Variants in SH3TC1 observed in about 807,000 individuals in gnomAD.
SH3TC1 encodes SH3 domain and tetratricopeptide repeats 1, also known as SH3 domain and tetratricopeptide repeat-containing protein 1.
A neutral mutation model predicts 117.3 loss-of-function variants in SH3TC1; 135 were observed. The observed-to-expected ratio is 1.15, with a 90% confidence interval of 1.00 to 1.33. SH3TC1 has a LOEUF of 1.33. Ranked by LOEUF, SH3TC1 falls within the 40% of genes most tolerant of loss-of-function variation. The pLI is 0.00. For missense variants in SH3TC1, 2,092 were observed against 1,794.3 expected, an observed-to-expected ratio of 1.17 and a Z score of -3.00; for synonymous variants, 898 against 816.9, an observed-to-expected ratio of 1.10 and a Z score of -1.69.
Position 8,187,000 on chromosome 4 carries a change from A to C in SH3TC1, c.-57+4790A>C, listed in dbSNP as rs180936650. On this transcript the variant is annotated intron_variant, in intron 1 of 16. Coordinates refer to the SH3TC1 transcript ENST00000508641. This position sits in a 1 kb window ranked among gnomAD's most constrained non-coding sequence, Gnocchi z 5.2. ...TAGGCACATTGCTGTGCCTTTGCCCATTCTGGGACTCCTGCCCGACTTCCC... is the reference window on the plus strand; with the variant it reads ...TAGGCACATTGCTGTGCCTTTGCCCCTTCTGGGACTCCTGCCCGACTTCCC... 4.1e-4 allele frequency among the ~76,000 whole-genome samples: 62 copies of C among 149,698 alleles called. No individual in the cohort carries two copies. In the South Asian group the frequency reaches 4.9e-3, roughly 12 times the overall value.
Position 8,219,670 on chromosome 4 carries a change from G to A in SH3TC1, c.1112+140G>A. 4 of 986,176 alleles carry A rather than the reference G, an allele frequency of 4.1e-6. No homozygotes were observed. In the East Asian group the frequency reaches 1.2e-4, roughly 29 times the overall value. The allele number at this position is 986,176 out of a possible 1,614,324, so 61.1% of individuals were successfully genotyped here. A position where few individuals can be genotyped will look rare whatever the true frequency, so the allele number is the denominator to read the frequency against. On this transcript the variant is annotated intron_variant, in intron 9 of 17. Coordinates refer to ENST00000245105, the MANE Select transcript of SH3TC1 (RefSeq NM_018986.5). ...GCCTAGTCTCTTCCCTTGTCCTCAG[G>A]CTGCTGCCCCCTTGGCCCCAGTGCC...
In SH3TC1 at chr4:8,217,059, C is replaced by G. The variant is rs776771586; in HGVS notation, c.731C>G (p.Pro244Arg). 2 of 1,613,104 alleles carry G rather than the reference C, an allele frequency of 1.2e-6. No homozygotes were observed. Among genetic ancestry groups the G allele is most frequent in the South Asian group, 1.1e-5 (1 of 90,942 alleles). The change falls in exon 7 of 18, where the codon CCC becomes CGC. Residue 244 changes from proline to arginine, a missense_variant. Pro to Arg is a moderately radical substitution (Grantham distance 103). Transcript: ENST00000245105. ...GCCCTCAGGCAGGCTTCGGGGGCACCCCAGGGAGAGGCGGCCCCGGAAACA... is the reference window on the plus strand; with the variant it reads ...GCCCTCAGGCAGGCTTCGGGGGCACGCCAGGGAGAGGCGGCCCCGGAAACA... ...PQALRQASGA[P>R]QGEAAPETDS... is the part of the protein sequence containing the mutation.
chr4:8,235,485 T>C lies in SH3TC1; in HGVS notation c.3335T>C (p.Leu1112Pro), dbSNP rs1341158927. The change falls in exon 15 of 18, where the codon CTG (leucine) becomes CCG (proline). Residue 1112 changes from leucine to proline, a missense_variant. Physicochemically the swap from Leu to Pro is moderately conservative, Grantham distance 98. Coordinates refer to ENST00000245105, the MANE Select transcript of SH3TC1 (RefSeq NM_018986.5). The part of the protein sequence containing the change: ...YTGDPNLGLE[L>P]FEAAGDIFFD... ...GGCGACCCCAACCTGGGGCTGGAGC[T>C]GTTTGAGGCGGCTGGAGACATCTTC... 3 of 1,604,106 alleles carry C rather than the reference T, an allele frequency of 1.9e-6. No individual in the cohort carries two copies. Among genetic ancestry groups the C allele is most frequent in the South Asian group, 1.1e-5 (1 of 89,846 alleles).
chr4:8,232,877 G>A (rs899152223), intron 13 of SH3TC1: 2 of 1,228,334 alleles, frequency 1.6e-6, no homozygotes, highest in African/African-American at 1.6e-5. Context: ...CCCTGGACCA[G>A]CAGAGCAGCA....
In SH3TC1 at chr4:8,236,333, T is replaced by C; in HGVS notation, c.3461T>C (p.Leu1154Pro). 1 of 1,553,418 alleles carries C rather than the reference T, an allele frequency of 6.4e-7. No homozygotes were observed. Among genetic ancestry groups the C allele is most frequent in the Non-Finnish European group, 8.7e-7 (1 of 1,148,882 alleles). The change falls in exon 16 of 18, where the codon CTG (leucine) becomes CCG (proline). Residue 1154 changes from leucine to proline, a missense_variant. Leu to Pro is a moderately conservative substitution (Grantham distance 98). Coordinates refer to ENST00000245105, the MANE Select transcript of SH3TC1 (RefSeq NM_018986.5). ...GGCAACCGCAAGGCGGAGCTGCGGC[T>C]GTGCAACAAGCTGGTGGCACTGCTG... ...TTGNRKAELR[L>P]CNKLVALLAT... is the part of the protein sequence containing the mutation.
Position 8,203,820 on chromosome 4 carries a change from G to A in SH3TC1, c.-28-1347G>A, listed in dbSNP as rs542547036. Reference sequence around the variant, plus strand: ...CCTCCTGCCTCCCCTTCACAGCTGCGTCCTCTGTCCCTGACTGCAGACCCC... The same window carrying A: ...CCTCCTGCCTCCCCTTCACAGCTGCATCCTCTGTCCCTGACTGCAGACCCC... On this transcript the variant is annotated intron_variant, in intron 1 of 17. Transcript: ENST00000245105. Among the ~76,000 whole-genome samples the A allele has an allele frequency of 1.6e-3, 239 of 152,138 alleles. 1 individual carries two copies. The highest frequency in any genetic ancestry group is 5.4e-3 in the African/African-American group (226 of 41,504).
chr4:8,239,286 G>C (rs1486355123), intron 17 of SH3TC1, among the ~76,000 whole-genome samples: 1 of 145,688 alleles, frequency 6.9e-6, no homozygotes. Context: ...CACACACATG[G>C]ACATGCACAC....
rs781488839 is a variant in SH3TC1, at chr4:8,227,776, G to A, written c.2082G>A (p.Leu694=). Residue 694 remains leucine (L), a synonymous_variant, in exon 12 of 18, where the codon TTG becomes TTA. Coordinates refer to ENST00000245105, the MANE Select transcript of SH3TC1 (RefSeq NM_018986.5). ...CCTTCCTAGAGCGGCTGCTGCTTTT[G>A]CACAGGGACTCGGGAGCCCCAGAGG... ...ALPFLERLLL[L]HRDSGAPEAA... is the part of the protein sequence containing the mutation. The A allele has an allele frequency of 6.2e-6, 10 of 1,612,402 alleles. No individual in the cohort carries two copies. The East Asian group carries it at 1.1e-4, about 18-fold the overall frequency.
At chr4:8,207,492 G>A (rs1052631894) in intron 2 of SH3TC1, among the ~76,000 whole-genome samples, 1 of 152,148 alleles carries the variant, frequency 6.6e-6, no homozygotes, top group Admixed American at 6.5e-5. Flanking sequence ...TCATGGGCTG[G>A]CCTGGCTGAA....
chr4:8,231,885 A>G, intron 12 of SH3TC1, 91 bp from the exon 13 acceptor site: 1 of 1,449,676 alleles, frequency 6.9e-7, no homozygotes, highest in Non-Finnish European at 9.4e-7. Flanking sequence ...AGAGGTGTGA[A>G]AGAGGCAAGC....
chr4:8,193,966 C>A (rs1332142586), intron 1 of SH3TC1, among the ~76,000 whole-genome samples: 1 of 152,240 alleles, frequency 6.6e-6, no homozygotes, highest in Non-Finnish European at 1.5e-5. Context: ...CAGCTGTCAT[C>A]ATTTGCTGCA....
chr4:8,220,775 T>C (rs1480274270), intron 9 of SH3TC1, among the ~76,000 whole-genome samples: 2 of 152,178 alleles, frequency 1.3e-5, no homozygotes, highest in Non-Finnish European at 1.5e-5. Flanking sequence ...AGGCCGTTTG[T>C]CACCATGCCT....
intron 4 of SH3TC1, 96 bp downstream of exon 4, chr4:8,212,924 C>G (rs1478084230): frequency 7.0e-7 from 1 of 1,438,334 alleles, no homozygotes; most frequent in African/African-American, 1.4e-5. Flanking sequence ...ACACAGGAGG[C>G]AGGCCTCAGA....
intron 13 of SH3TC1, 175 bp downstream of exon 13, chr4:8,232,331 T>C (rs1721310832): frequency 1.3e-6 from 2 of 1,527,434 alleles, no homozygotes; most frequent in South Asian, 2.3e-5. Flanking sequence ...GGGCTGCTGA[T>C]GACCCGTGAG....
At chr4:8,222,205 C>G (rs1461459233) in intron 9 of SH3TC1, among the ~76,000 whole-genome samples, 1 of 151,884 alleles carries the variant, frequency 6.6e-6, no homozygotes, top group Non-Finnish European at 1.5e-5. Context: ...TCACAGGGGA[C>G]TTCATAAGGG....
In SH3TC1 at chr4:8,232,812, G is replaced by A. The variant is rs528350633; in HGVS notation, c.3132-551G>A. On this transcript the variant is annotated intron_variant, in intron 13 of 17. Coordinates refer to ENST00000245105, the MANE Select transcript of SH3TC1 (RefSeq NM_018986.5). The stretch of plus-strand genomic sequence containing the variant: ...GAGATCGGCTCCAGCCTTGGCCTCA[G>A]GTTCACAGCAGGAAAATGGGCCAGT... 2.7e-5 allele frequency: 35 copies of A among 1,284,954 alleles called. No homozygotes were observed. In the South Asian group the frequency reaches 4.3e-4, roughly 16 times the overall value. The allele number at this position is 1,284,954 out of a possible 1,614,324, so 79.6% of individuals were successfully genotyped here. A position where few individuals can be genotyped will look rare whatever the true frequency, so the allele number is the denominator to read the frequency against.
chr4:8,233,711 T>C (rs926372769), intron 14 of SH3TC1, among the ~76,000 whole-genome samples, 198 bp downstream of exon 14: 1 of 151,142 alleles, frequency 6.6e-6, no homozygotes, highest in African/African-American at 2.4e-5. Flanking sequence ...CATCCATCCA[T>C]CCTTCCATTA....
At chr4:8,187,555 T>C (rs77921525) in intron 1 of SH3TC1, among the ~76,000 whole-genome samples, 1 of 133,328 alleles carries the variant, frequency 7.5e-6, no homozygotes, top group Non-Finnish European at 1.6e-5. Context: ...TTTTCTTTTC[T>C]TTTTTTTTTT....
chr4:8,240,978 T>A lies in SH3TC1; in HGVS notation c.*23T>A. The A allele has an allele frequency of 6.2e-7, 1 of 1,602,350 alleles. No individual in the cohort carries two copies. Among genetic ancestry groups the A allele is most frequent in the Non-Finnish European group, 8.5e-7 (1 of 1,177,422 alleles). ...TGAGGACAGCATCCAAGGGAGTGGG[T>A]TTTGTGCAAGGGCTGGGGGTCTCCT... On this transcript the variant is annotated 3_prime_UTR_variant, in exon 18 of 18. Coordinates refer to ENST00000245105, the MANE Select transcript of SH3TC1 (RefSeq NM_018986.5).
Sources: allele counts gnomAD v4.1 joint callset (sites outside exome capture counted in the v4.1 genomes callset), GRCh38; gene constraint gnomAD v4.1.1; non-coding constraint Gnocchi (gnomAD v3.1); transcripts MANE v1.5; gene names NCBI Gene and HGNC (gene_info 2026-07-23, HGNC 2026-07-21).